Variants in PLAC1 observed in about 807,000 individuals in gnomAD.
PLAC1 encodes placenta associated 1, also known as placenta-specific protein 1.
For missense variants in PLAC1, 136 were observed against 163.2 expected (o/e 0.83, Z 0.91); for synonymous variants, 68 against 62.1 (o/e 1.09, Z -0.44).
At chrX:134,589,923 C>A (rs748091894) in intron 2 of PLAC1, among the ~76,000 whole-genome samples, 1 of 110,682 alleles carries the variant, frequency 9.0e-6, no homozygotes, top group African/African-American at 3.3e-5. Flanking sequence ...GGGCCGGGCG[C>A]GGTGGCTCAC....
chrX:134,745,712 G>A (rs754387184), intron 1 of PLAC1, among the ~76,000 whole-genome samples: 1 of 111,682 alleles, frequency 9.0e-6, no homozygotes, highest in Non-Finnish European at 1.9e-5. Flanking sequence ...TTCCCTTCTG[G>A]CCAGACTCCT....
At chrX:134,708,390 C>A (rs990218774) in intron 2 of PLAC1, among the ~76,000 whole-genome samples, 7 of 111,058 alleles carry the variant, frequency 6.3e-5, no homozygotes, top group Admixed American at 2.9e-4. Flanking sequence ...TGTATTATTT[C>A]ACTTATATAA....
chrX:134,712,993 T>G (rs1186020238), intron 2 of PLAC1, among the ~76,000 whole-genome samples: 2 of 112,227 alleles, frequency 1.8e-5, no homozygotes, highest in Non-Finnish European at 3.8e-5. Flanking sequence ...ATTCAGCAAC[T>G]CTGGTACATT....
chrX:134,569,788 T>TGTGTTTG (rs1365028157), intron 2 of PLAC1, among the ~76,000 whole-genome samples: 16 of 47,395 alleles, frequency 3.4e-4, no homozygotes, highest in Non-Finnish European at 6.0e-4. Flanking sequence ...GTGTGTGTGT[T>TGTGTTTG]TGTGTGTGTG....
intron 2 of PLAC1, among the ~76,000 whole-genome samples, chrX:134,686,131 A>G (rs1220082376): frequency 8.9e-6 from 1 of 111,908 alleles, no homozygotes; most frequent in Admixed American, 9.5e-5. Context: ...AAGAGTACTC[A>G]TCCAGGAATC....
chrX:134,567,800 AAGAG>A (rs1193095653), intron 2 of PLAC1, among the ~76,000 whole-genome samples: 13 of 89,298 alleles, frequency 1.5e-4, no homozygotes, highest in African/African-American at 3.9e-4. Context: ...AAAGGAAAGA[AAGAG>A]AGAGAGAGAG....
chrX:134,710,953 T>C (rs1451237717), intron 2 of PLAC1, among the ~76,000 whole-genome samples: 1 of 112,142 alleles, frequency 8.9e-6, no homozygotes, highest in Non-Finnish European at 1.9e-5. Flanking sequence ...AAACGTGTGT[T>C]AAATACCCAG....
chrX:134,673,567 A>G (rs2078463642), intron 2 of PLAC1, among the ~76,000 whole-genome samples: 1 of 110,338 alleles, frequency 9.1e-6, no homozygotes, highest in Admixed American at 9.6e-5. Context: ...AATGATTCCA[A>G]ATGAAAAGTG....
chrX:134,645,650 C>T, intron 1 of PLAC1, among the ~76,000 whole-genome samples: 1 of 111,977 alleles, frequency 8.9e-6, no homozygotes, highest in Admixed American at 9.5e-5. Flanking sequence ...TCTCTTCCTC[C>T]CTGCAAGAGC....
upstream of PLAC1, among the ~76,000 whole-genome samples, chrX:134,659,541 GA>G (rs375523484): frequency 9.0e-6 from 1 of 110,946 alleles, no homozygotes; most frequent in Non-Finnish European, 1.9e-5. Context: ...GGGGATGGGG[GA>G]AAAAACACAG....
intron 2 of PLAC1, among the ~76,000 whole-genome samples, chrX:134,692,679 G>A (rs1361993621): frequency 8.9e-6 from 1 of 112,032 alleles, no homozygotes; most frequent in Non-Finnish European, 1.9e-5. Context: ...AATTAGGCAT[G>A]CCCATAATCA....
At chrX:134,584,432 A>G (rs2077989819) in intron 2 of PLAC1, among the ~76,000 whole-genome samples, 1 of 111,756 alleles carries the variant, frequency 8.9e-6, no homozygotes, top group Admixed American at 9.5e-5. Context: ...TCCATTTAAC[A>G]CAGGTAAGCA....
intron 1 of PLAC1, among the ~76,000 whole-genome samples, chrX:134,614,037 A>G (rs1388693135): frequency 3.7e-5 from 4 of 109,207 alleles, no homozygotes; most frequent in Non-Finnish European, 5.7e-5. Flanking sequence ...CCCAGCCTCT[A>G]TGCTCCTGCT....
intron 1 of PLAC1, among the ~76,000 whole-genome samples, chrX:134,651,671 T>A (rs1231018158): frequency 9.0e-6 from 1 of 110,626 alleles, no homozygotes; most frequent in African/African-American, 3.3e-5. Context: ...GGCGTCCCTC[T>A]TCTCTCCCTT....
chrX:134,678,532 C>G (rs1421284427), intron 2 of PLAC1, among the ~76,000 whole-genome samples: 1 of 111,792 alleles, frequency 8.9e-6, no homozygotes, highest in Non-Finnish European at 1.9e-5. Context: ...TTTCTATCTT[C>G]TTACCCTGTT....
At chrX:134,601,519 A>G (rs1352756555) in intron 2 of PLAC1, 1 of 112,081 alleles carries the variant, frequency 8.9e-6, no homozygotes, top group Non-Finnish European at 1.9e-5. Context: ...TTTTACCATC[A>G]TATATACATG....
rs189305386 is a variant in PLAC1 at position 134,708,514 on chromosome X, G to A, written n.174+24921C>T. ...AGGTAGCATGAGGGACATCTTTGTG[G>A]TGATGGAATCATTCTGTATCTTTTT... On this transcript the variant is annotated intron_variant and non_coding_transcript_variant, in intron 2 of 2. Transcript: ENST00000466797. 4.0e-4 allele frequency among the ~76,000 whole-genome samples: 43 copies of A among 106,578 alleles called. No homozygotes were observed. In the East Asian group the frequency reaches 5.2e-3, roughly 13 times the overall value. 92.6% of individuals were successfully genotyped at this position (106,578 alleles called of 115,157 possible). A position where few individuals can be genotyped will look rare whatever the true frequency, so the allele number is the denominator to read the frequency against.
At chrX:134,727,482 T>C (rs1264132517) in intron 2 of PLAC1, among the ~76,000 whole-genome samples, 2 of 112,148 alleles carry the variant, frequency 1.8e-5, no homozygotes, top group South Asian at 3.7e-4. Flanking sequence ...ATATCTTGCT[T>C]CTCTTAATGC....
chrX:134,654,674 G>C (rs951765070), intron 1 of PLAC1, among the ~76,000 whole-genome samples: 2 of 112,225 alleles, frequency 1.8e-5, no homozygotes, highest in African/African-American at 3.2e-5. Context: ...TCTACCAGTG[G>C]CTCAGAGGCC....
Sources: allele counts gnomAD v4.1 joint callset (sites outside exome capture counted in the v4.1 genomes callset), GRCh38; gene constraint gnomAD v4.1.1; transcripts MANE v1.5; gene names NCBI Gene and HGNC (gene_info 2026-07-23, HGNC 2026-07-21).